Variants in PPP2R5C observed in about 807,000 individuals in gnomAD.
PPP2R5C encodes the protein serine/threonine-protein phosphatase 2A 56 kDa regulatory subunit gamma isoform.
In PPP2R5C, 7 loss-of-function variants were observed where a neutral mutation model predicts 68.9. The ratio of observed to expected loss-of-function variants is 0.10; its 90% confidence interval spans 0.06 to 0.19. PPP2R5C has a LOEUF of 0.19. PPP2R5C is among the 10% of genes least tolerant of loss of function. The pLI, the probability that PPP2R5C is intolerant of heterozygous loss-of-function variation, is 1.00. For missense variants in PPP2R5C, 348 were observed against 641.3 expected, an observed-to-expected ratio of 0.54 and a Z score of 4.94; for synonymous variants, 210 against 222.2, an observed-to-expected ratio of 0.95 and a Z score of 0.49.
intron 10 of PPP2R5C, among the ~76,000 whole-genome samples, chr14:101,908,704 A>C (rs1248001296): frequency 6.6e-6 from 1 of 151,720 alleles, no homozygotes; most frequent in African/African-American, 2.4e-5. Context: ...TAATCGCAAC[A>C]ATGACAACAA....
At chr14:101,769,516 T>C (rs2037041144) in intron 2 of PPP2R5C, among the ~76,000 whole-genome samples, 1 of 152,238 alleles carries the variant, frequency 6.6e-6, no homozygotes, top group Admixed American at 6.5e-5. Context: ...AACTTGTTTA[T>C]TAAGAGGCTT....
intron 2 of PPP2R5C, among the ~76,000 whole-genome samples, chr14:101,867,812 AAAC>A (rs2043175632): frequency 6.6e-6 from 1 of 152,180 alleles, no homozygotes; most frequent in African/African-American, 2.4e-5. Flanking sequence ...GATAAAATAA[AAAC>A]AAGCTATCCG....
rs943101790 is a variant in PPP2R5C, at chr14:101,764,032, C to T, written c.93+1062C>T. Among the ~76,000 whole-genome samples, 30 of 135,910 alleles carry T rather than the reference C, an allele frequency of 2.2e-4. 2 individuals are homozygous for T. Among genetic ancestry groups the T allele is most frequent in the Admixed American group, 1.5e-3 (21 of 14,264 alleles). 89.2% of individuals were successfully genotyped at this position (135,910 alleles called of 152,430 possible). A position where few individuals can be genotyped will look rare whatever the true frequency, so the allele number is the denominator to read the frequency against. On this transcript the variant is annotated intron_variant, in intron 2 of 14. Coordinates refer to the PPP2R5C transcript ENST00000328724. ...GTGTGTGTGTGTGTGTGTGTGTGGG[C>T]GCGCGCACTTGCGCGTCGGCCACTT...
intron 2 of PPP2R5C, among the ~76,000 whole-genome samples, chr14:101,771,563 A>G (rs1419328009): frequency 6.6e-6 from 1 of 151,972 alleles, no homozygotes; most frequent in Non-Finnish European, 1.5e-5. Flanking sequence ...CCCTATCTCT[A>G]CTAAAACTAC....
intron 2 of PPP2R5C, among the ~76,000 whole-genome samples, chr14:101,869,947 T>G (rs905882106): frequency 6.6e-6 from 1 of 151,912 alleles, no homozygotes; most frequent in African/African-American, 2.4e-5. Flanking sequence ...CCACCACACC[T>G]GGCCCAAGCA....
At chr14:101,763,621 C>T (rs2036683988) in intron 2 of PPP2R5C, among the ~76,000 whole-genome samples, 1 of 152,090 alleles carries the variant, frequency 6.6e-6, no homozygotes, top group Admixed American at 6.5e-5. Context: ...GTCCTCGTGA[C>T]CCGCCCACCT....
At position 101,892,038 on chromosome 14, in the gene PPP2R5C, A is replaced by G. The variant is rs7160165; in HGVS notation, c.690-962A>G. Among the ~76,000 whole-genome samples the G allele has an allele frequency of 5.8e-3, 876 of 152,004 alleles. 8 individuals carry two copies. The highest frequency in any genetic ancestry group is 0.02 in the African/African-American group (848 of 41,468). Reference sequence around the variant, plus strand: ...GTGGCCCGATCTCAGCTCACTGCAAACTCTGCCTCCCAGGTTCAAGCAATT... The same window carrying G: ...GTGGCCCGATCTCAGCTCACTGCAAGCTCTGCCTCCCAGGTTCAAGCAATT... On this transcript the variant is annotated intron_variant, in intron 6 of 13. Transcript: ENST00000334743.
chr14:101,763,611 G>A (rs1210236144), intron 2 of PPP2R5C, among the ~76,000 whole-genome samples: 1 of 152,112 alleles, frequency 6.6e-6, no homozygotes, highest in East Asian at 1.9e-4. Context: ...TTGAACTCCT[G>A]TCCTCGTGAC....
chr14:101,897,851 T>C (rs1401401181), intron 8 of PPP2R5C, among the ~76,000 whole-genome samples: 2 of 152,088 alleles, frequency 1.3e-5, no homozygotes, highest in Non-Finnish European at 2.9e-5. Flanking sequence ...CTCCCACCTT[T>C]TCCTATTCAA....
At chr14:101,845,223 C>T (rs1159275198) in intron 1 of PPP2R5C, among the ~76,000 whole-genome samples, 1 of 152,028 alleles carries the variant, frequency 6.6e-6, no homozygotes, top group African/African-American at 2.4e-5. Flanking sequence ...AAGGTTCATT[C>T]TGAATGTGCA....
intron 1 of PPP2R5C, chr14:101,824,738 T>C (rs572828980): frequency 6.5e-6 from 1 of 152,852 alleles, no homozygotes; most frequent in Non-Finnish European, 1.5e-5. Flanking sequence ...CTGTGCTTAG[T>C]GCTAAGAACT....
chr14:101,844,752 A>G (rs776081332), intron 1 of PPP2R5C, among the ~76,000 whole-genome samples: 5 of 152,232 alleles, frequency 3.3e-5, no homozygotes, highest in Non-Finnish European at 7.3e-5. Flanking sequence ...TCTGGAATCA[A>G]TTTCAAGATG....
At chr14:101,790,044 A>G (rs1046146673) in intron 3 of PPP2R5C, 2 of 151,270 alleles carry the variant, frequency 1.3e-5, no homozygotes, top group African/African-American at 4.9e-5. Flanking sequence ...TGTGTTCAGT[A>G]TTATTCATCT....
intron 3 of PPP2R5C, among the ~76,000 whole-genome samples, chr14:101,794,719 C>T (rs1310674847): frequency 6.6e-6 from 1 of 152,160 alleles, no homozygotes. Context: ...AAGCTAATGC[C>T]TAGATAATCA....
At chr14:101,860,165 C>T (rs949704975) in intron 2 of PPP2R5C, among the ~76,000 whole-genome samples, 1 of 152,144 alleles carries the variant, frequency 6.6e-6, no homozygotes, top group Non-Finnish European at 1.5e-5. Context: ...AAAAAGAAAT[C>T]CTGTACTCAT....
intron 5 of PPP2R5C, among the ~76,000 whole-genome samples, chr14:101,889,099 G>GT (rs2044695528): frequency 6.6e-6 from 1 of 152,276 alleles, no homozygotes; most frequent in South Asian, 2.1e-4. Flanking sequence ...ACATAGAAAT[G>GT]TTAAGACCCA....
At chr14:101,910,782 A>T (rs963838147) in intron 11 of PPP2R5C, among the ~76,000 whole-genome samples, 14 of 151,388 alleles carry the variant, frequency 9.2e-5, no homozygotes, top group African/African-American at 3.4e-4. Context: ...CCTGGCTAAC[A>T]CAATGAAACC....
At chr14:101,897,051 C>T (rs1215500458) in intron 8 of PPP2R5C, among the ~76,000 whole-genome samples, 3 of 152,136 alleles carry the variant, frequency 2.0e-5, no homozygotes, top group Admixed American at 6.5e-5. Flanking sequence ...TACAGAGCCA[C>T]GAGCTGGGCC....
chr14:101,906,627 A>G lies in PPP2R5C; in HGVS notation c.1151+98A>G. 7.0e-7 allele frequency: 1 copy of G among 1,422,112 alleles called. No homozygotes were observed. The highest frequency in any genetic ancestry group is 9.5e-7 in the Non-Finnish European group (1 of 1,056,176). The allele number at this position is 1,422,112 out of a possible 1,614,324, so 88.1% of individuals were successfully genotyped here. ...AATAAATATCAGAATTTTAAATATC[A>G]ATTAAAAAACAAGAAGGTCAGTTGC... On this transcript the variant is annotated intron_variant, in intron 10 of 13. Coordinates refer to ENST00000334743, the Ensembl canonical transcript of PPP2R5C. This position sits in a 1 kb window ranked among gnomAD's most constrained non-coding sequence, Gnocchi z 4.0.
Sources: gnomAD v4.1 joint callset for allele counts (sites outside exome capture counted in the v4.1 genomes callset) on GRCh38, gnomAD v4.1.1 for gene constraint, Gnocchi (gnomAD v3.1) non-coding constraint, MANE v1.5 for transcripts, NCBI Gene and HGNC (gene_info 2026-07-23, HGNC 2026-07-21) for gene names.